Variants in TUBB2A observed in about 807,000 individuals in gnomAD.
The protein encoded by TUBB2A is tubulin beta 2A class IIa, also known as tubulin beta-2A chain.
A neutral mutation model predicts 33.9 loss-of-function variants in TUBB2A; 7 were observed. That is an observed-to-expected ratio of 0.21 (90% CI 0.12 to 0.39). TUBB2A has a LOEUF of 0.39. Ranked by LOEUF, TUBB2A falls within the 10% of genes least tolerant of loss-of-function variation. The pLI, the probability that TUBB2A is intolerant of heterozygous loss-of-function variation, is 1.00. For missense variants in TUBB2A, 80 were observed against 593.4 expected, an observed-to-expected ratio of 0.13 and a Z score of 8.99; for synonymous variants, 187 against 247.6, an observed-to-expected ratio of 0.76 and a Z score of 2.30.
Position 3,153,882 on chromosome 6 carries a change from T to C in TUBB2A, c.1319A>G (p.Glu440Gly). The C allele has an allele frequency of 6.2e-7, 1 of 1,613,660 alleles. No individual in the cohort carries two copies. The highest frequency in any genetic ancestry group is 8.5e-7 in the Non-Finnish European group (1 of 1,179,700). ...ADEQGEFEEE[E>G]GEDEA ...AAGTTTTTAAGCCTCGTCCTCGCCC[T>C]CCTCCTCCTCGAACTCCCCTTGTTC... Residue 440 changes from glutamate (E) to glycine (G), a missense_variant, in exon 4 of 4, where the codon GAG becomes GGG. Glu to Gly is a moderately conservative substitution (Grantham distance 98, BLOSUM62 -2). Coordinates refer to ENST00000333628, the MANE Select transcript of TUBB2A (RefSeq NM_001069.3).
rs1207068873 is a variant in TUBB2A at position 3,154,064 on chromosome 6, C to T, written c.1137G>A (p.Lys379=). The T allele has an allele frequency of 2.6e-6, 4 of 1,537,538 alleles. No homozygotes were observed. The highest frequency in any genetic ancestry group is 3.5e-6 in the Non-Finnish European group (4 of 1,137,216). ...TGGCCGTGAACTGCTCGGAGATGCG[C>T]TTGAACAGCTCCTGGATGGCCGTGC... The part of the protein sequence containing the change: ...GNSTAIQELF[K]RISEQFTAMF... Residue 379 remains lysine (K), a synonymous_variant, in exon 4 of 4, where the codon AAG becomes AAA. Transcript: ENST00000333628.
Position 3,153,867 on chromosome 6 carries a change from G to GACTCGT in TUBB2A, c.1333_1334insACGAGT (p.Ala445delinsAspGluSer), listed in dbSNP as rs1481378831. 1 of 1,614,018 alleles carries GACTCGT rather than the reference G, an allele frequency of 6.2e-7. No individual in the cohort carries two copies. Among genetic ancestry groups the GACTCGT allele is most frequent in the Non-Finnish European group, 8.5e-7 (1 of 1,179,998 alleles). ...CACGATTGATCTGAGAAGTTTTTAA[G>GACTCGT]CCTCGTCCTCGCCCTCCTCCTCCTC... On this transcript the variant is annotated protein_altering_variant, in exon 4 of 4. Coordinates refer to ENST00000333628, the MANE Select transcript of TUBB2A (RefSeq NM_001069.3).
Position 3,155,955 on chromosome 6 carries a change from T to C in TUBB2A, c.166+89A>G, listed in dbSNP as rs1762625325. ...ATTTGAAATGAATATGCAAGAAGCA[T>C]GCCTTTGTCACGTGCATGTTCCTGG... On this transcript the variant is annotated intron_variant, in intron 2 of 3. Coordinates refer to ENST00000333628, the MANE Select transcript of TUBB2A (RefSeq NM_001069.3). This position sits in a 1 kb window ranked among gnomAD's most constrained non-coding sequence, Gnocchi z 4.2. 1.4e-6 allele frequency: 2 copies of C among 1,458,628 alleles called. No homozygotes were observed. Among genetic ancestry groups the C allele is most frequent in the South Asian group, 2.7e-5 (2 of 74,362 alleles). 90.4% of individuals were successfully genotyped at this position (1,458,628 alleles called of 1,614,324 possible).
chr6:3,157,330 C>A, intron 1 of TUBB2A, 77 bp downstream of exon 1: 1 of 1,289,942 alleles, frequency 7.8e-7, no homozygotes, highest in Non-Finnish European at 9.8e-7. Context: ...GGGGCCGCCG[C>A]GGCCTCCAGC....
chr6:3,157,276 C>T (rs939776550), intron 1 of TUBB2A, 131 bp downstream of exon 1: 11 of 1,099,302 alleles, frequency 1.0e-5, no homozygotes, highest in East Asian at 7.5e-5. Context: ...CCTCCCGGAC[C>T]CCGCCCGGCG....
chr6:3,157,399 G>A lies in TUBB2A; in HGVS notation c.57+8C>T, dbSNP rs1459328060. ...CAACCCCGGGCCCCTCCGTGGCGGT[G>A]AGCCCACCTTGGCGCCGATCTGGTT... On this transcript the variant is annotated splice_region_variant and intron_variant, in intron 1 of 3. Coordinates refer to ENST00000333628, the MANE Select transcript of TUBB2A (RefSeq NM_001069.3). 7 of 1,530,400 alleles carry A rather than the reference G, an allele frequency of 4.6e-6. No homozygotes were observed. In the East Asian group the frequency reaches 1.1e-4, roughly 24 times the overall value. The allele number at this position is 1,530,400 out of a possible 1,614,324, so 94.8% of individuals were successfully genotyped here.
rs1397517876 is a variant in TUBB2A, at chr6:3,155,217, T to C, written c.278-294A>G. Among the ~76,000 whole-genome samples, 1 of 152,220 alleles carries C rather than the reference T, an allele frequency of 6.6e-6. No individual in the cohort carries two copies. The highest frequency in any genetic ancestry group is 2.4e-5 in the African/African-American group (1 of 41,456). ...CATACATTTTTAAGAGGCATTCTCTTTATACTCAACTACAATTAAACAGGC... is the reference window on the plus strand; with the variant it reads ...CATACATTTTTAAGAGGCATTCTCTCTATACTCAACTACAATTAAACAGGC... On this transcript the variant is annotated intron_variant, in intron 3 of 3. Coordinates refer to ENST00000333628, the MANE Select transcript of TUBB2A (RefSeq NM_001069.3). This position sits in a 1 kb window ranked among gnomAD's most constrained non-coding sequence, Gnocchi z 4.2.
rs1350595388 is a variant in TUBB2A, at chr6:3,155,049, CT to C, written c.278-127del. 1 of 1,516,692 alleles carries C rather than the reference CT, an allele frequency of 6.6e-7. No individual in the cohort carries two copies. Among genetic ancestry groups the C allele is most frequent in the Non-Finnish European group, 8.9e-7 (1 of 1,129,210 alleles). The allele number at this position is 1,516,692 out of a possible 1,614,324, so 94.0% of individuals were successfully genotyped here. A position where few individuals can be genotyped will look rare whatever the true frequency, so the allele number is the denominator to read the frequency against. ...AGATTCTTCTCTTTTGAATACTCTT[CT>C]TTTACCTGAAGAAATATTTTTCTAT... On this transcript the variant is annotated intron_variant, in intron 3 of 3. Transcript: ENST00000333628. The surrounding 1 kb of genome is among the most constrained non-coding windows in gnomAD (Gnocchi z 4.2).
In TUBB2A at chr6:3,155,199, T is replaced by A. The variant is rs1302429174; in HGVS notation, c.278-276A>T. ...TTAATTGGTTCTGAAATACATACAT[T>A]TTTAAGAGGCATTCTCTTTATACTC... On this transcript the variant is annotated intron_variant, in intron 3 of 3. Coordinates refer to ENST00000333628, the MANE Select transcript of TUBB2A (RefSeq NM_001069.3). The surrounding 1 kb of genome is among the most constrained non-coding windows in gnomAD (Gnocchi z 4.2). 1 of 830,312 alleles carries A rather than the reference T, an allele frequency of 1.2e-6. No homozygotes were observed. Among genetic ancestry groups the A allele is most frequent in the East Asian group, 2.8e-5 (1 of 36,148 alleles). 51.4% of individuals were successfully genotyped at this position (830,312 alleles called of 1,614,324 possible).
rs1419158266 is a variant in TUBB2A at position 3,154,664 on chromosome 6, C to T, written c.537G>A (p.Val179=). 6.8e-6 allele frequency: 11 copies of T among 1,613,610 alleles called. No homozygotes were observed. The East Asian group carries it at 2.5e-4, about 36-fold the overall frequency. Residue 179 remains valine, a synonymous_variant, in exon 4 of 4, where the codon GTG becomes GTA. Coordinates refer to ENST00000333628, the MANE Select transcript of TUBB2A (RefSeq NM_001069.3). ...VMPSPKVSDT[V]VEPYNATLSV... ...AGAGGGTGGCGTTGTAGGGCTCCACCACCGTGTCTGACACCTTGGGTGAGG... is the reference window on the plus strand; with the variant it reads ...AGAGGGTGGCGTTGTAGGGCTCCACTACCGTGTCTGACACCTTGGGTGAGG...
In TUBB2A at chr6:3,157,451, C is replaced by T. The variant is rs898054770; in HGVS notation, c.13G>A (p.Val5Met). MREIVHIQAGQCGNQ... is the reference protein window; with the variant it reads MREIMHIQAGQCGNQ... ...CCGCACTGGCCCGCCTGGATGTGCA[C>T]GATCTCGCGCATGGTGCCGGCTGCG... The change falls in exon 1 of 4, where the codon GTG becomes ATG. Residue 5 changes from valine (V) to methionine (M), a missense_variant. Val to Met is a conservative substitution (Grantham distance 21, BLOSUM62 1). Transcript: ENST00000333628. 8.4e-6 allele frequency: 13 copies of T among 1,543,144 alleles called. No individual in the cohort carries two copies. Among genetic ancestry groups the T allele is most frequent in the Non-Finnish European group, 9.6e-6 (11 of 1,151,224 alleles).
rs751381384 is a variant in TUBB2A at position 3,155,590 on chromosome 6, C to T, written c.277+35G>A. On this transcript the variant is annotated intron_variant, in intron 3 of 3. Coordinates refer to ENST00000333628, the MANE Select transcript of TUBB2A (RefSeq NM_001069.3). The surrounding 1 kb of genome is among the most constrained non-coding windows in gnomAD (Gnocchi z 4.2). ...CAGGGCTGTTAGGAAGAAGGTGTGT[C>T]ATTTGGCCAGTTCCCAGTGATCATG... The T allele has an allele frequency of 1.3e-6, 2 of 1,527,820 alleles. No homozygotes were observed. Among genetic ancestry groups the T allele is most frequent in the Non-Finnish European group, 1.8e-6 (2 of 1,107,900 alleles). 94.6% of individuals were successfully genotyped at this position (1,527,820 alleles called of 1,614,324 possible).
Position 3,154,712 on chromosome 6 carries a change from G to A in TUBB2A, c.489C>T (p.Ile163=), listed in dbSNP as rs1348067441. ...SKIREEYPDR[I]MNTFSVMPSP... ...AGGGCATGACGCTGAAGGTGTTCATGATGCGGTCTGGGTACTCTTCCCGGA... is the reference window on the plus strand; with the variant it reads ...AGGGCATGACGCTGAAGGTGTTCATAATGCGGTCTGGGTACTCTTCCCGGA... The change falls in exon 4 of 4, where the codon ATC becomes ATT. Residue 163 remains isoleucine, a synonymous_variant. Coordinates refer to ENST00000333628, the MANE Select transcript of TUBB2A (RefSeq NM_001069.3). 6.2e-7 allele frequency: 1 copy of A among 1,612,288 alleles called. No individual in the cohort carries two copies. Among genetic ancestry groups the A allele is most frequent in the South Asian group, 1.1e-5 (1 of 90,994 alleles).
Position 3,153,817 on chromosome 6 carries a change from G to C in TUBB2A, c.*46C>G. The C allele has an allele frequency of 1.9e-6, 3 of 1,609,922 alleles. No homozygotes were observed. The highest frequency in any genetic ancestry group is 2.5e-6 in the Non-Finnish European group (3 of 1,176,692). ...TTACAAGTAGAAAGACCATGCTTGAGGACAACAGAAGTTCACTAAGGATGC... is the reference window on the plus strand; with the variant it reads ...TTACAAGTAGAAAGACCATGCTTGACGACAACAGAAGTTCACTAAGGATGC... On this transcript the variant is annotated 3_prime_UTR_variant, in exon 4 of 4. Coordinates refer to ENST00000333628, the MANE Select transcript of TUBB2A (RefSeq NM_001069.3).
chr6:3,157,305 C>G, intron 1 of TUBB2A, 102 bp downstream of exon 1: 3 of 1,226,188 alleles, frequency 2.4e-6, no homozygotes, highest in Non-Finnish European at 3.1e-6. Context: ...GCGGAATGTG[C>G]CACCCGGCCA....
Position 3,155,380 on chromosome 6 carries a change from T to C in TUBB2A, c.277+245A>G, listed in dbSNP as rs1762615685. On this transcript the variant is annotated intron_variant, in intron 3 of 3. Coordinates refer to ENST00000333628, the MANE Select transcript of TUBB2A (RefSeq NM_001069.3). The surrounding 1 kb of genome is among the most constrained non-coding windows in gnomAD (Gnocchi z 4.2). ...GCCTATGAAGCCTGGCTTGAAGCTT[T>C]TCCTTGCTCTTTCTTCCTTCCAGTC... 6.6e-6 allele frequency among the ~76,000 whole-genome samples: 1 copy of C among 152,208 alleles called. No individual in the cohort carries two copies. The highest frequency in any genetic ancestry group is 1.5e-5 in the Non-Finnish European group (1 of 68,034).
In TUBB2A at chr6:3,154,411, G is replaced by A; in HGVS notation, c.790C>T (p.His264Tyr). The change falls in exon 4 of 4, where the codon CAC (histidine) becomes TAC (tyrosine). Residue 264 changes from histidine (H) to tyrosine (Y), a missense_variant. Around this residue, in one of 5 missense-constraint regions of TUBB2A, gnomAD observed 25 missense variants for 350.5 expected, o/e 0.07. Coordinates refer to ENST00000333628, the MANE Select transcript of TUBB2A (RefSeq NM_001069.3). ...AVNMVPFPRL[H>Y]FFMPGFAPLT... ...GGCGCGAAGCCGGGCATGAAGAAGT[G>A]CAGGCGAGGGAAGGGCACCATGTTC... 1 of 1,529,388 alleles carries A rather than the reference G, an allele frequency of 6.5e-7. No individual in the cohort carries two copies. The highest frequency in any genetic ancestry group is 8.8e-7 in the Non-Finnish European group (1 of 1,137,636). 94.7% of individuals were successfully genotyped at this position (1,529,388 alleles called of 1,614,324 possible). A position where few individuals can be genotyped will look rare whatever the true frequency, so the allele number is the denominator to read the frequency against.
chr6:3,156,256 A>T (rs1762631301), intron 1 of TUBB2A, 104 bp from the exon 2 acceptor site: 6 of 1,248,584 alleles, frequency 4.8e-6, no homozygotes, highest in Non-Finnish European at 5.5e-6. Context: ...TTGTGGTCAG[A>T]CAGTTAGTAA....
chr6:3,156,432 G>A (rs1762635208), intron 1 of TUBB2A, among the ~76,000 whole-genome samples: 1 of 152,308 alleles, frequency 6.6e-6, no homozygotes, highest in Admixed American at 6.5e-5. Context: ...TAGGGAGAGG[G>A]TGGGGAGAGT....
Sources: allele counts gnomAD v4.1 joint callset (sites outside exome capture counted in the v4.1 genomes callset), GRCh38; gene constraint gnomAD v4.1.1; regional missense constraint gnomAD v4.1.1; non-coding constraint Gnocchi (gnomAD v3.1); transcripts MANE v1.5; gene names NCBI Gene and HGNC (gene_info 2026-07-23, HGNC 2026-07-21).